The following ZDHHC20 variants were observed in gnomAD, a reference collection of about 807,000 sequenced individuals.
The protein encoded by ZDHHC20 is palmitoyltransferase ZDHHC20.
A neutral mutation model predicts 57.8 loss-of-function variants in ZDHHC20; 43 were observed. The ratio of observed to expected loss-of-function variants is 0.74; its 90% CI spans 0.58 to 0.96. The LOEUF (loss-of-function observed/expected upper bound fraction) is 0.96. Ranked by LOEUF, ZDHHC20 falls within the 40% of genes least tolerant of loss-of-function variation. The pLI, the probability that ZDHHC20 is intolerant of heterozygous loss-of-function variation, is 0.00. For missense variants in ZDHHC20, 391 were observed against 441.1 expected, an observed-to-expected ratio of 0.89 and a Z score of 1.02; for synonymous variants, 157 against 153.0, an observed-to-expected ratio of 1.03 and a Z score of -0.19.
intron 4 of ZDHHC20, among the ~76,000 whole-genome samples, chr13:21,408,654 T>C (rs1056278975): frequency 6.6e-6 from 1 of 152,200 alleles, no homozygotes; most frequent in Non-Finnish European, 1.5e-5. Context: ...CTATGTTGAA[T>C]AGGAGTGGTG....
chr13:21,385,660 G>C (rs1874333590), intron 9 of ZDHHC20, among the ~76,000 whole-genome samples: 1 of 152,116 alleles, frequency 6.6e-6, no homozygotes, highest in Non-Finnish European at 1.5e-5. Flanking sequence ...AGAAAAGCTG[G>C]TCAGGGAGGA....
intron 9 of ZDHHC20, among the ~76,000 whole-genome samples, chr13:21,386,575 G>A (rs549849133): frequency 6.6e-6 from 1 of 152,308 alleles, no homozygotes; most frequent in African/African-American, 2.4e-5. Flanking sequence ...TTGAGAGACA[G>A]TCTTGCTCTG....
chr13:21,458,923 A>G (rs1885152016), intron 1 of ZDHHC20, 131 bp downstream of exon 1: 2 of 616,102 alleles, frequency 3.2e-6, no homozygotes, highest in Admixed American at 4.3e-5. Context: ...GGCGCTTCCG[A>G]GCGCGTTCGG....
At position 21,459,130 on chromosome 13, in the gene ZDHHC20, C is replaced by A; in HGVS notation, c.42G>T (p.Val14=). The change falls in exon 1 of 13, where the codon GTG becomes GTT. Residue 14 remains valine (V), a synonymous_variant. Coordinates refer to ENST00000400590, the MANE Select transcript of ZDHHC20 (RefSeq NM_001330059.2). ...TGATGAAGAGCACCGGCACCCAGCCCACGACGCGCTGGCAGCAGCGCCACA... is the reference window on the plus strand; with the variant it reads ...TGATGAAGAGCACCGGCACCCAGCCAACGACGCGCTGGCAGCAGCGCCACA... ...WTLWRCCQRV[V]GWVPVLFITF... 1.2e-6 allele frequency: 2 copies of A among 1,606,782 alleles called. No individual in the cohort carries two copies. Among genetic ancestry groups the A allele is most frequent in the Non-Finnish European group, 1.7e-6 (2 of 1,177,288 alleles).
At chr13:21,376,952 T>A (rs569150411) in intron 12 of ZDHHC20, 1 of 195,412 alleles carries the variant, frequency 5.1e-6, no homozygotes, top group Admixed American at 6.0e-5. Flanking sequence ...ACACCTGTCC[T>A]AAGATTGGCG....
At chr13:21,401,180 G>C (rs142096870) in intron 6 of ZDHHC20, among the ~76,000 whole-genome samples, 1,763 of 152,106 alleles carry the variant, frequency 0.012, 17 homozygotes, top group Non-Finnish European at 0.017. Flanking sequence ...TTGAGAGACT[G>C]AGGTGGAAGA....
chr13:21,421,369 T>C (rs1052537156), intron 2 of ZDHHC20, among the ~76,000 whole-genome samples: 2 of 152,192 alleles, frequency 1.3e-5, no homozygotes, highest in South Asian at 2.1e-4. Context: ...TATTTAAGGA[T>C]TATCAGTCTG....
chr13:21,377,856 G>C (rs1872513888), intron 12 of ZDHHC20: 1 of 152,472 alleles, frequency 6.6e-6, no homozygotes, highest in Non-Finnish European at 1.5e-5. Context: ...CTGTTATACA[G>C]GAACAGGATG....
At chr13:21,416,713 A>C (rs1310859073) in intron 3 of ZDHHC20, among the ~76,000 whole-genome samples, 1 of 152,248 alleles carries the variant, frequency 6.6e-6, no homozygotes, top group African/African-American at 2.4e-5. Context: ...ATAAACAGGA[A>C]TCTTTCAGGA....
chr13:21,455,036 T>C (rs1317067154), intron 1 of ZDHHC20, among the ~76,000 whole-genome samples: 1 of 152,160 alleles, frequency 6.6e-6, no homozygotes, highest in East Asian at 1.9e-4. Flanking sequence ...TTCTCCTGCC[T>C]CAGCCTCCCG....
At chr13:21,406,243 T>C (rs1192326947) in intron 4 of ZDHHC20, among the ~76,000 whole-genome samples, 1 of 152,202 alleles carries the variant, frequency 6.6e-6, no homozygotes, top group African/African-American at 2.4e-5. Flanking sequence ...TTTTGGGCCC[T>C]GGGACATCTT....
intron 3 of ZDHHC20, among the ~76,000 whole-genome samples, chr13:21,420,181 G>A (rs1368326969): frequency 1.3e-5 from 2 of 152,180 alleles, no homozygotes; most frequent in African/African-American, 4.8e-5. Context: ...CAGCTACTCA[G>A]GAGGCTGAGG....
At chr13:21,403,179 T>G (rs906076890) in intron 4 of ZDHHC20, among the ~76,000 whole-genome samples, 2 of 152,208 alleles carry the variant, frequency 1.3e-5, no homozygotes, top group South Asian at 2.1e-4. Context: ...CAAGATTTAG[T>G]AAGTCCCAGG....
chr13:21,375,916 A>G lies in ZDHHC20; in HGVS notation c.*780T>C, dbSNP rs1012793771. ...TTTGTGTTTCTCTGCCCATGTACAT[A>G]CCCCTGAAAGTTCAACAAAAAAAGC... On this transcript the variant is annotated 3_prime_UTR_variant, in exon 13 of 13. Coordinates refer to ENST00000400590, the MANE Select transcript of ZDHHC20 (RefSeq NM_001330059.2). The G allele has an allele frequency of 6.6e-6, 1 of 152,140 alleles. No homozygotes were observed. The highest frequency in any genetic ancestry group is 2.4e-5 in the African/African-American group (1 of 41,422). 9.4% of individuals were successfully genotyped at this position (152,140 alleles called of 1,614,324 possible).
At chr13:21,381,052 G>T (rs1303693444) in intron 11 of ZDHHC20, among the ~76,000 whole-genome samples, 1 of 151,512 alleles carries the variant, frequency 6.6e-6, no homozygotes, top group Non-Finnish European at 1.5e-5. Context: ...TGTCACCCAG[G>T]CTGGAGTGCA....
rs1351332120 is a variant in ZDHHC20 at position 21,391,724 on chromosome 13, A to G, written c.725T>C (p.Ile242Thr). 1.2e-6 allele frequency: 2 copies of G among 1,606,794 alleles called. No homozygotes were observed. The highest frequency in any genetic ancestry group is 2.2e-5 in the South Asian group (2 of 89,078). Residue 242 changes from isoleucine (I) to threonine (T), a missense_variant and splice_region_variant, in exon 8 of 13, where the codon ATA (isoleucine) becomes ACA (threonine). Around this residue, in one of 3 missense-constraint regions of ZDHHC20, gnomAD observed 197 missense variants for 220.8 expected, o/e 0.89. Coordinates refer to ENST00000400590, the MANE Select transcript of ZDHHC20 (RefSeq NM_001330059.2). Reference protein sequence around the residue: ...CWLVGKNRTTIESFRAPTFSY... With the variant: ...CWLVGKNRTTTESFRAPTFSY... ...ATAATTTATTTTAACCTACTTACCT[A>G]TTGTTGTTCTATTTTTTCCAACTAG...
At chr13:21,455,609 C>T (rs2093559) in intron 1 of ZDHHC20, among the ~76,000 whole-genome samples, 2,694 of 150,922 alleles carry the variant, frequency 0.018, 75 homozygotes, top group African/African-American at 0.063. Context: ...TCAATTTTGT[C>T]CTCAGTATTA....
chr13:21,451,536 G>T (rs1884439086), intron 1 of ZDHHC20, among the ~76,000 whole-genome samples: 2 of 152,168 alleles, frequency 1.3e-5, no homozygotes, highest in South Asian at 4.1e-4. Flanking sequence ...ATGTGAGGAG[G>T]CTTACTAGAA....
At chr13:21,395,302 G>C (rs1003157618) in intron 7 of ZDHHC20, among the ~76,000 whole-genome samples, 1 of 151,706 alleles carries the variant, frequency 6.6e-6, no homozygotes, top group African/African-American at 2.4e-5. Flanking sequence ...TCCTGACCTC[G>C]TGATCCACCT....
Sources: gnomAD v4.1 joint callset for allele counts (sites outside exome capture counted in the v4.1 genomes callset) on GRCh38, gnomAD v4.1.1 for gene constraint, gnomAD v4.1.1 regional missense constraint, MANE v1.5 for transcripts, NCBI Gene and HGNC (gene_info 2026-07-23, HGNC 2026-07-21) for gene names.